VMP1: variants seen among roughly 807,000 people sequenced by gnomAD.
VMP1 encodes ectopic P-granules autophagy protein 3 homolog.
In VMP1, 11 loss-of-function variants were observed where a neutral mutation model predicts 56.0. The ratio of observed to expected loss-of-function variants is 0.20; its 90% CI spans 0.12 to 0.32. The LOEUF (loss-of-function observed/expected upper bound fraction) is 0.32, where lower values mean the gene tolerates loss of function less well. Among genes scored for constraint, VMP1 ranks in the 10% least tolerant of loss-of-function variants. The pLI is 1.00. For synonymous variants in VMP1, 149 were observed against 165.0 expected, an observed-to-expected ratio of 0.90 and a Z score of 0.74; for missense variants, 296 against 490.3, an observed-to-expected ratio of 0.60 and a Z score of 3.74.
At position 59,808,867 on chromosome 17, in the gene VMP1, C is replaced by T; in HGVS notation, c.786C>T (p.Ala262=). 3 of 1,613,922 alleles carry T rather than the reference C, an allele frequency of 1.9e-6. No individual in the cohort carries two copies. The highest frequency in any genetic ancestry group is 2.5e-6 in the Non-Finnish European group (3 of 1,179,918). Reference sequence around the variant, plus strand: ...AAGTTGGATTTTTTGGAATTTTGGCCTGTGCTTCAGTAAGTGAATTGTATT... The same window carrying T: ...AAGTTGGATTTTTTGGAATTTTGGCTTGTGCTTCAGTAAGTGAATTGTATT... ...VQKVGFFGIL[A]CASIPNPLFD... The change falls in exon 8 of 12, where the codon GCC becomes GCT. Residue 262 remains alanine (A), a synonymous_variant. Transcript: ENST00000262291.
At chr17:59,761,780 G>A (rs746656757) in intron 5 of VMP1, among the ~76,000 whole-genome samples, 4 of 151,884 alleles carry the variant, frequency 2.6e-5, no homozygotes, top group Non-Finnish European at 4.4e-5. Context: ...AGCTTTGTGT[G>A]CCAGAGTCTG....
intron 7 of VMP1, among the ~76,000 whole-genome samples, chr17:59,782,841 A>C (rs561511556): frequency 6.6e-6 from 1 of 152,298 alleles, no homozygotes; most frequent in East Asian, 1.9e-4. Context: ...AACAAAAAAA[A>C]CCACTTGGCT....
chr17:59,805,909 C>A (rs1030425672), intron 7 of VMP1, among the ~76,000 whole-genome samples: 1 of 151,916 alleles, frequency 6.6e-6, no homozygotes, highest in African/African-American at 2.4e-5. Flanking sequence ...TTTACCTTTT[C>A]TTGGCAATTG....
At chr17:59,713,276 A>G (rs2034002529) in intron 1 of VMP1, among the ~76,000 whole-genome samples, 1 of 151,782 alleles carries the variant, frequency 6.6e-6, no homozygotes, top group Admixed American at 6.6e-5. Flanking sequence ...AGGGAGGGAT[A>G]GCATTAGGAG....
intron 3 of VMP1, among the ~76,000 whole-genome samples, chr17:59,736,516 G>C (rs1292498646): frequency 1.3e-5 from 2 of 151,332 alleles, no homozygotes; most frequent in African/African-American, 4.9e-5. Context: ...GGCTGAGGTG[G>C]GTGGATCACC....
chr17:59,819,143 C>T (rs2038351228), intron 10 of VMP1, among the ~76,000 whole-genome samples: 1 of 151,968 alleles, frequency 6.6e-6, no homozygotes, highest in Admixed American at 6.6e-5. Flanking sequence ...AATTCCTGAG[C>T]TTATCAGTGT....
chr17:59,800,172 G>A (rs1679315498), intron 7 of VMP1, among the ~76,000 whole-genome samples: 1 of 152,132 alleles, frequency 6.6e-6, no homozygotes, highest in Admixed American at 6.6e-5. Flanking sequence ...AGAAAGATTT[G>A]AAGTTATAAC....
At chr17:59,804,481 G>A (rs1161642545) in intron 7 of VMP1, among the ~76,000 whole-genome samples, 4 of 151,702 alleles carry the variant, frequency 2.6e-5, no homozygotes, top group Admixed American at 1.3e-4. Flanking sequence ...CGGGCGTTGC[G>A]GTGTGTGCCT....
At chr17:59,713,206 A>G (rs1296753202) in intron 1 of VMP1, among the ~76,000 whole-genome samples, 1 of 150,380 alleles carries the variant, frequency 6.6e-6, no homozygotes, top group African/African-American at 2.5e-5. Context: ...TTAAAGAATC[A>G]TCTATGGACA....
rs184594877 is a variant in VMP1, at chr17:59,810,102, C to T, written c.795+1226C>T. ...GAATTTATATAAAACCTGTTTAAAG[C>T]GATGTTAGCTCAGGGCTACTCTGAT... On this transcript the variant is annotated intron_variant, in intron 8 of 11. Transcript: ENST00000262291. Among the ~76,000 whole-genome samples, 710 of 152,164 alleles carry T rather than the reference C, an allele frequency of 4.7e-3. 5 individuals carry two copies. Among genetic ancestry groups the T allele is most frequent in the Non-Finnish European group, 4.4e-3 (302 of 67,996 alleles).
chr17:59,825,651 AC>A (rs1342567442), intron 10 of VMP1, among the ~76,000 whole-genome samples: 1 of 152,208 alleles, frequency 6.6e-6, no homozygotes, highest in African/African-American at 2.4e-5. Flanking sequence ...GTTTTACCAC[AC>A]AAGAAAAGTT....
At chr17:59,776,017 G>A (rs577363453) in intron 7 of VMP1, among the ~76,000 whole-genome samples, 3 of 152,032 alleles carry the variant, frequency 2.0e-5, no homozygotes, top group South Asian at 2.1e-4. Context: ...ATTCAAGACC[G>A]GCCTGGGCAA....
chr17:59,754,726 G>A (rs981994818), intron 5 of VMP1, among the ~76,000 whole-genome samples: 12 of 152,228 alleles, frequency 7.9e-5, no homozygotes, highest in African/African-American at 2.9e-4. Flanking sequence ...TTTGATGAAG[G>A]CATGAAAGCT....
At chr17:59,800,345 A>G (rs1480737007) in intron 7 of VMP1, among the ~76,000 whole-genome samples, 1 of 152,212 alleles carries the variant, frequency 6.6e-6, no homozygotes, top group Non-Finnish European at 1.5e-5. Flanking sequence ...TAAATTATTA[A>G]GTCATCATGA....
chr17:59,773,418 T>C (rs565536618), intron 6 of VMP1, among the ~76,000 whole-genome samples: 4 of 149,370 alleles, frequency 2.7e-5, no homozygotes, highest in East Asian at 4.0e-4. Context: ...TTTTTTTTCA[T>C]AGACAGGAAT....
intron 6 of VMP1, among the ~76,000 whole-genome samples, chr17:59,771,930 T>C (rs959633238): frequency 1.3e-5 from 2 of 152,120 alleles, no homozygotes; most frequent in African/African-American, 2.4e-5. Context: ...CCTATATCCA[T>C]GTATATATGT....
chr17:59,821,567 C>T (rs1262537937), intron 10 of VMP1, among the ~76,000 whole-genome samples: 4 of 91,836 alleles, frequency 4.4e-5, no homozygotes, highest in Non-Finnish European at 7.8e-5. Flanking sequence ...TTTTTTGAGG[C>T]GGAGTTTCAC....
intron 10 of VMP1, among the ~76,000 whole-genome samples, chr17:59,826,567 A>T (rs1164114249): frequency 2.0e-5 from 3 of 152,228 alleles, no homozygotes; most frequent in Non-Finnish European, 2.9e-5. Context: ...TAGAAAATAT[A>T]AATGAAGAAA....
At chr17:59,717,448 T>A (rs1030210925) in intron 1 of VMP1, among the ~76,000 whole-genome samples, 1 of 152,010 alleles carries the variant, frequency 6.6e-6, no homozygotes, top group Non-Finnish European at 1.5e-5. Context: ...AGTGGCACTG[T>A]CTAGGCCCAC....
Sources: allele counts gnomAD v4.1 joint callset (sites outside exome capture counted in the v4.1 genomes callset), GRCh38; gene constraint gnomAD v4.1.1; transcripts MANE v1.5; gene names NCBI Gene and HGNC (gene_info 2026-07-23, HGNC 2026-07-21).